The following DSCAM variants were observed in gnomAD, a reference collection of about 807,000 sequenced individuals.
DSCAM encodes cell adhesion molecule DSCAM.
In DSCAM, 47 loss-of-function variants were observed where a neutral mutation model predicts 217.7. The observed-to-expected ratio is 0.22, with a 90% confidence interval of 0.17 to 0.28. The LOEUF is 0.28. DSCAM is among the 10% of genes least tolerant of loss of function. The pLI, the probability that DSCAM is intolerant of heterozygous loss-of-function variation, is 1.00. For missense variants in DSCAM, 2,080 were observed against 2,618.3 expected, an observed-to-expected ratio of 0.79 and a Z score of 4.49; for synonymous variants, 1,056 against 1,015.3, an observed-to-expected ratio of 1.04 and a Z score of -0.76.
intron 1 of DSCAM, among the ~76,000 whole-genome samples, chr21:40,816,314 C>G (rs1251623801): frequency 1.3e-5 from 2 of 152,074 alleles, no homozygotes; most frequent in Admixed American, 6.6e-5. Context: ...CTTCCTACCC[C>G]CAAATAAAAA....
rs114782196 is a variant in DSCAM, at chr21:40,458,581, C to T, written c.509-89336G>A. 5.1e-3 allele frequency among the ~76,000 whole-genome samples: 772 copies of T among 152,104 alleles called. 8 individuals carry two copies. Among genetic ancestry groups the T allele is most frequent in the African/African-American group, 0.018 (729 of 41,528 alleles). On this transcript the variant is annotated intron_variant, in intron 3 of 32. Transcript: ENST00000400454. Reference sequence around the variant, plus strand: ...GAACAAGTTAATAAAAACGTAAATACAAGAATGAATGCATTTGAAAACAGA... The same window carrying T: ...GAACAAGTTAATAAAAACGTAAATATAAGAATGAATGCATTTGAAAACAGA...
intron 3 of DSCAM, among the ~76,000 whole-genome samples, chr21:40,500,587 A>G (rs764550816): frequency 1.2e-4 from 19 of 152,242 alleles, no homozygotes; most frequent in Non-Finnish European, 2.2e-4. Flanking sequence ...ATTCTTCAGC[A>G]TATTAAAGCT....
At chr21:40,293,509 C>T (rs2073919028) in intron 10 of DSCAM, among the ~76,000 whole-genome samples, 1 of 152,154 alleles carries the variant, frequency 6.6e-6, no homozygotes, top group Non-Finnish European at 1.5e-5. Context: ...AAAATAAACC[C>T]TTGTGAATTT....
intron 3 of DSCAM, among the ~76,000 whole-genome samples, chr21:40,532,477 A>G (rs1240436617): frequency 6.6e-6 from 1 of 152,342 alleles, no homozygotes; most frequent in East Asian, 1.9e-4. Context: ...ATAAGCAAGC[A>G]TGGGGTATGT....
chr21:40,254,523 T>C (rs192939525), intron 11 of DSCAM, among the ~76,000 whole-genome samples: 7 of 152,310 alleles, frequency 4.6e-5, no homozygotes, highest in South Asian at 4.1e-4. Context: ...TTTCCAACCA[T>C]TGAAAACAGA....
intron 3 of DSCAM, among the ~76,000 whole-genome samples, chr21:40,651,645 T>C (rs948281282): frequency 2.6e-5 from 4 of 152,206 alleles, no homozygotes; most frequent in Admixed American, 6.5e-5. Flanking sequence ...CTCTGACCTG[T>C]TGGAAACTCA....
chr21:40,724,019 TG>T (rs2090929344), intron 1 of DSCAM, among the ~76,000 whole-genome samples: 1 of 152,192 alleles, frequency 6.6e-6, no homozygotes, highest in South Asian at 2.1e-4. Context: ...TACTTCCATA[TG>T]TGTATAGGGA....
Position 40,040,695 on chromosome 21 carries a change from C to T in DSCAM, c.5686+1676G>A, listed in dbSNP as rs184574032. Among the ~76,000 whole-genome samples the T allele has an allele frequency of 1.9e-3, 292 of 152,276 alleles. 1 individual carries two copies. The highest frequency in any genetic ancestry group is 6.5e-3 in the African/African-American group (271 of 41,554). On this transcript the variant is annotated intron_variant, in intron 32 of 32. Coordinates refer to ENST00000400454, the MANE Select transcript of DSCAM (RefSeq NM_001389.5). ...TGGCTGAGTGCCTCCTCTGCTGACC[C>T]CTTCACCTGTATAATGCTATGTGCA...
rs117826741 is a variant in DSCAM, at chr21:40,323,987, C to T, written c.1784-11628G>A. ...GGCATGGTGGCTCACCCCTGTAATC[C>T]CAGTTACTTGGGAGGCTGAGGTAGA... On this transcript the variant is annotated intron_variant, in intron 8 of 32. Coordinates refer to ENST00000400454, the MANE Select transcript of DSCAM (RefSeq NM_001389.5). 0.022 allele frequency among the ~76,000 whole-genome samples: 3,290 copies of T among 150,804 alleles called. 170 individuals carry two copies. The East Asian group carries it at 0.23, about 11-fold the overall frequency.
At chr21:40,697,850 A>AT (rs200793920) in intron 2 of DSCAM, among the ~76,000 whole-genome samples, 141 of 151,512 alleles carry the variant, frequency 9.3e-4, no homozygotes, top group African/African-American at 3.3e-3. Flanking sequence ...AAAGTTAAGG[A>AT]TTTTTTTTTC....
intron 8 of DSCAM, among the ~76,000 whole-genome samples, chr21:40,313,184 A>G (rs949012383): frequency 3.3e-5 from 5 of 152,212 alleles, no homozygotes; most frequent in Admixed American, 3.3e-4. Flanking sequence ...TGTTATGTCC[A>G]ACTAATAACA....
intron 1 of DSCAM, among the ~76,000 whole-genome samples, chr21:40,826,503 T>C (rs1161421279): frequency 6.6e-6 from 1 of 152,206 alleles, no homozygotes; most frequent in Non-Finnish European, 1.5e-5. Flanking sequence ...GGAAATCCCT[T>C]GGCTACTGGG....
chr21:40,316,737 C>T (rs769532972), intron 8 of DSCAM, among the ~76,000 whole-genome samples: 2 of 152,154 alleles, frequency 1.3e-5, no homozygotes, highest in Non-Finnish European at 2.9e-5. Context: ...TACATAATGG[C>T]GGGGGTCCTT....
intron 30 of DSCAM, among the ~76,000 whole-genome samples, chr21:40,047,923 T>G (rs145126408): frequency 9.9e-4 from 151 of 152,344 alleles, no homozygotes; most frequent in African/African-American, 3.5e-3. Flanking sequence ...TGTTGTAAGC[T>G]CTTGTCATTG....
intron 3 of DSCAM, among the ~76,000 whole-genome samples, chr21:40,663,701 G>A (rs751241292): frequency 5.3e-5 from 8 of 152,094 alleles, no homozygotes; most frequent in Non-Finnish European, 1.2e-4. Flanking sequence ...TGTGTGCAAC[G>A]TGCCATGCTA....
rs911356584 is a variant in DSCAM at position 40,528,898 on chromosome 21, C to CTTTTTTTTTTTTTTTTTTTTTTTTTTT, written c.509-159654_509-159653insAAAAAAAAAAAAAAAAAAAAAAAAAAA. ...TCTTTGGCAATGTCCAGGCTTTCCA[C>CTTTTTTTTTTTTTTTTTTTTTTTTTTT]TTTTTTTTTTTTTTTTTTTTTTTGA... On this transcript the variant is annotated intron_variant, in intron 3 of 32. Transcript: ENST00000400454. 1.9e-4 allele frequency among the ~76,000 whole-genome samples: 19 copies of CTTTTTTTTTTTTTTTTTTTTTTTTTTT among 99,388 alleles called. 3 individuals are homozygous for CTTTTTTTTTTTTTTTTTTTTTTTTTTT. The highest frequency in any genetic ancestry group is 8.8e-4 in the African/African-American group (18 of 20,554). 65.2% of individuals were successfully genotyped at this position (99,388 alleles called of 152,430 possible).
At chr21:40,726,820 G>T (rs969527869) in intron 1 of DSCAM, among the ~76,000 whole-genome samples, 9 of 152,168 alleles carry the variant, frequency 5.9e-5, no homozygotes, top group African/African-American at 1.9e-4. Context: ...CTGCCCTCAT[G>T]AATAGATCAA....
At chr21:40,647,569 AG>A (rs1252898346) in intron 3 of DSCAM, among the ~76,000 whole-genome samples, 1 of 152,234 alleles carries the variant, frequency 6.6e-6, no homozygotes, top group African/African-American at 2.4e-5. Context: ...TGTCTAAAAT[AG>A]CAAAATTTCT....
At chr21:40,678,440 A>T (rs899811888) in intron 3 of DSCAM, among the ~76,000 whole-genome samples, 2 of 152,154 alleles carry the variant, frequency 1.3e-5, no homozygotes, top group African/African-American at 4.8e-5. Context: ...TGCTTTCTTC[A>T]TCTATAAAAT....
Sources: allele counts gnomAD v4.1 joint callset (sites outside exome capture counted in the v4.1 genomes callset), GRCh38; gene constraint gnomAD v4.1.1; transcripts MANE v1.5; gene names NCBI Gene and HGNC (gene_info 2026-07-23, HGNC 2026-07-21).